ANKRD44: variants seen among roughly 807,000 people sequenced by gnomAD.
The protein encoded by ANKRD44 is serine/threonine-protein phosphatase 6 regulatory ankyrin repeat subunit B.
A neutral mutation model predicts 116.0 loss-of-function variants in ANKRD44; 35 were observed. That is an observed-to-expected ratio of 0.30 (90% CI 0.23 to 0.40). The LOEUF (loss-of-function observed/expected upper bound fraction) is 0.40, where lower values mean the gene tolerates loss of function less well. Ranked by LOEUF, ANKRD44 falls within the 10% of genes least tolerant of loss-of-function variation. The pLI is 1.00. For missense variants in ANKRD44, 1,014 were observed against 1,242.6 expected, an observed-to-expected ratio of 0.82 and a Z score of 2.77; for synonymous variants, 435 against 461.8, an observed-to-expected ratio of 0.94 and a Z score of 0.74.
intron 17 of ANKRD44, among the ~76,000 whole-genome samples, chr2:197,024,823 C>A (rs2076560963): frequency 6.6e-6 from 1 of 152,192 alleles, no homozygotes; most frequent in Admixed American, 6.5e-5. Context: ...CATAGGTTTT[C>A]CACTTGTATA....
At chr2:197,116,810 A>G (rs773930568) in intron 8 of ANKRD44, among the ~76,000 whole-genome samples, 25 of 152,262 alleles carry the variant, frequency 1.6e-4, no homozygotes, top group South Asian at 6.2e-4. Context: ...AGAACACCAC[A>G]TTTGACACTA....
chr2:197,147,164 G>T (rs1574548432), intron 2 of ANKRD44, 59 bp from the exon 3 acceptor site: 1 of 1,438,674 alleles, frequency 7.0e-7, no homozygotes, highest in Non-Finnish European at 9.8e-7. Context: ...GGTCCCTTTT[G>T]TAGACATAGT....
chr2:197,189,745 T>C (rs1275080479), intron 1 of ANKRD44, among the ~76,000 whole-genome samples: 1 of 152,186 alleles, frequency 6.6e-6, no homozygotes, highest in East Asian at 1.9e-4. Context: ...GATTTTCATG[T>C]TAAATCAGGA....
chr2:197,019,322 G>T (rs975624874), intron 17 of ANKRD44, among the ~76,000 whole-genome samples: 3 of 152,176 alleles, frequency 2.0e-5, no homozygotes, highest in Non-Finnish European at 2.9e-5. Flanking sequence ...TCTGATCTGT[G>T]CTTGTTATGC....
chr2:197,103,917 T>C (rs1159518106), intron 9 of ANKRD44, among the ~76,000 whole-genome samples: 1 of 152,200 alleles, frequency 6.6e-6, no homozygotes, highest in Non-Finnish European at 1.5e-5. Context: ...TCCTTTAATG[T>C]TACATTACAA....
intron 1 of ANKRD44, among the ~76,000 whole-genome samples, chr2:197,287,397 T>C (rs923797105): frequency 6.6e-6 from 1 of 152,210 alleles, no homozygotes; most frequent in Non-Finnish European, 1.5e-5. Flanking sequence ...AAGAAAAAGC[T>C]GCTGCACTGT....
chr2:196,975,813 G>A (rs201410877), intron 21 of ANKRD44, among the ~76,000 whole-genome samples: 1 of 3,206 alleles, frequency 3.1e-4, no homozygotes. Context: ...AAAGAAAAAA[G>A]AAAGAAAGAA....
At chr2:197,151,119 T>G (rs1471350807) in intron 2 of ANKRD44, among the ~76,000 whole-genome samples, 1 of 21,602 alleles carries the variant, frequency 4.6e-5, no homozygotes, top group African/African-American at 9.3e-5. Context: ...AAGTTGAAAA[T>G]ATGCAAAAAA....
At chr2:197,099,140 G>A (rs2125220695) in intron 10 of ANKRD44, among the ~76,000 whole-genome samples, 1 of 152,022 alleles carries the variant, frequency 6.6e-6, no homozygotes. Flanking sequence ...GGCCACCTTT[G>A]AGCTCTCTCC....
chr2:196,992,940 G>A (rs934035800), intron 27 of ANKRD44: 4 of 152,538 alleles, frequency 2.6e-5, no homozygotes, highest in South Asian at 2.1e-4. Context: ...TAGGCATTGT[G>A]CTTAAAATGG....
chr2:196,995,479 T>A lies in ANKRD44; in HGVS notation c.2749-18A>T. On this transcript the variant is annotated intron_variant, in intron 25 of 27. Coordinates refer to ENST00000282272, the MANE Select transcript of ANKRD44 (RefSeq NM_001195144.2). ...TCATGACCCTAATAAAGAAAAAGAA[T>A]GATAAGAAATGCAAGATAGAGACAC... 6.5e-7 allele frequency: 1 copy of A among 1,540,940 alleles called. No individual in the cohort carries two copies.
chr2:197,122,254 C>T (rs914891513), intron 7 of ANKRD44, among the ~76,000 whole-genome samples: 2 of 152,126 alleles, frequency 1.3e-5, no homozygotes, highest in Admixed American at 6.5e-5. Context: ...AGCAGTCTGC[C>T]TTTTCCAGCT....
chr2:197,019,077 G>C (rs1339126285), intron 17 of ANKRD44, among the ~76,000 whole-genome samples: 1 of 152,060 alleles, frequency 6.6e-6, no homozygotes, highest in Non-Finnish European at 1.5e-5. Context: ...TCTCTATGTG[G>C]AATAGAGACA....
intron 1 of ANKRD44, among the ~76,000 whole-genome samples, chr2:197,211,007 C>G (rs907029859): frequency 6.6e-6 from 1 of 152,122 alleles, no homozygotes; most frequent in African/African-American, 2.4e-5. Context: ...CACTGTGCAC[C>G]TGCATGCCGA....
At chr2:197,136,899 G>A (rs1025141725) in intron 3 of ANKRD44, among the ~76,000 whole-genome samples, 2 of 152,172 alleles carry the variant, frequency 1.3e-5, no homozygotes, top group African/African-American at 4.8e-5. Flanking sequence ...CAGTTTCCAT[G>A]AGGCTTTTGG....
At chr2:197,263,087 G>A (rs1378797346) in intron 1 of ANKRD44, 2 of 448,962 alleles carry the variant, frequency 4.5e-6, no homozygotes, top group Admixed American at 3.1e-5. Context: ...CAGCTCTCCT[G>A]CCACAGCCCC....
chr2:197,098,038 T>C (rs2078203616), intron 10 of ANKRD44, among the ~76,000 whole-genome samples: 1 of 152,188 alleles, frequency 6.6e-6, no homozygotes, highest in African/African-American at 2.4e-5. Context: ...TTTCTCCCAT[T>C]TCTCTTTCTA....
chr2:197,053,612 T>C (rs2077152481), intron 16 of ANKRD44, among the ~76,000 whole-genome samples: 1 of 152,126 alleles, frequency 6.6e-6, no homozygotes, highest in Non-Finnish European at 1.5e-5. Context: ...GCCTCCCGAG[T>C]AGCTGGGATT....
chr2:197,102,220 G>A (rs2125234653), intron 9 of ANKRD44, among the ~76,000 whole-genome samples: 1 of 152,208 alleles, frequency 6.6e-6, no homozygotes, highest in African/African-American at 2.4e-5. Flanking sequence ...TCTCCTATGG[G>A]TAAGCATTTA....
Sources: gnomAD v4.1 joint callset for allele counts (sites outside exome capture counted in the v4.1 genomes callset) on GRCh38, gnomAD v4.1.1 for gene constraint, MANE v1.5 for transcripts, NCBI Gene and HGNC (gene_info 2026-07-23, HGNC 2026-07-21) for gene names.